The following HGF variants were observed in gnomAD, a reference collection of about 807,000 sequenced individuals.
The protein encoded by HGF is hepatocyte growth factor, also known as fibroblast-derived tumor cytotoxic factor.
HGF carries 39 observed loss-of-function variants against 111.6 expected under a neutral mutation model. The ratio of observed to expected loss-of-function variants is 0.35; its 90% CI spans 0.27 to 0.46. The LOEUF is 0.46. HGF is among the 20% of genes least tolerant of loss of function. The pLI is 1.00. For missense variants in HGF, 735 were observed against 910.5 expected (o/e 0.81, Z 2.48); for synonymous variants, 285 against 294.8 (o/e 0.97, Z 0.34).
At chr7:81,742,750 G>A in intron 7 of HGF, 1 of 1,486,270 alleles carries the variant, frequency 6.7e-7, no homozygotes, top group Non-Finnish European at 9.0e-7. Flanking sequence ...CCAGCATGTA[G>A]AAAAATGATT....
intron 2 of HGF, 74 bp from the exon 3 acceptor site, chr7:81,758,878 A>T (rs1788922844): frequency 1.1e-6 from 1 of 930,034 alleles, no homozygotes; most frequent in African/African-American, 1.6e-5. Flanking sequence ...CATATGGTTC[A>T]TCTTGTCCAT....
At chr7:81,737,089 G>A (rs1562888289) in intron 7 of HGF, among the ~76,000 whole-genome samples, 1 of 151,980 alleles carries the variant, frequency 6.6e-6, no homozygotes, top group Admixed American at 6.6e-5. Flanking sequence ...TTATGTGAAA[G>A]GTATGTAGAA....
intron 4 of HGF, among the ~76,000 whole-genome samples, chr7:81,752,945 G>A (rs1035017443): frequency 1.3e-5 from 2 of 151,960 alleles, no homozygotes; most frequent in Non-Finnish European, 2.9e-5. Context: ...TAGAGTAATT[G>A]ACACTTAACA....
At chr7:81,756,880 AGTGCC>A in intron 4 of HGF, 1 of 412,548 alleles carries the variant, frequency 2.4e-6, no homozygotes, top group Admixed American at 3.9e-5. Context: ...CCCCCTGCAC[AGTGCC>A]GTACTTTCTC....
chr7:81,723,086 C>T (rs923051509), intron 9 of HGF, among the ~76,000 whole-genome samples: 2 of 151,906 alleles, frequency 1.3e-5, no homozygotes, highest in African/African-American at 2.4e-5. Context: ...AGTACCCGGG[C>T]GATGAAATTG....
At chr7:81,722,227 A>T (rs1789883528) in intron 9 of HGF, among the ~76,000 whole-genome samples, 1 of 151,966 alleles carries the variant, frequency 6.6e-6, no homozygotes, top group Non-Finnish European at 1.5e-5. Flanking sequence ...ACTATGCTCC[A>T]TGAGGTTTTC....
In HGF at chr7:81,765,797, G is replaced by T. The variant is rs998405770; in HGVS notation, c.89-2925C>A. On this transcript the variant is annotated intron_variant, in intron 1 of 17. Coordinates refer to ENST00000222390, the MANE Select transcript of HGF (RefSeq NM_000601.6). ...TTCTCCTCCATATGTATTAACAACT[G>T]ATGCTTGTTTTACTGAAAACAGTTA... Among the ~76,000 whole-genome samples the T allele has an allele frequency of 7.2e-5, 11 of 152,296 alleles. No individual in the cohort carries two copies. In the South Asian group the frequency reaches 2.3e-3, roughly 32 times the overall value.
At chr7:81,743,540 A>G (rs1788096295) in intron 6 of HGF, 69 bp from the exon 7 acceptor site, 2 of 1,003,374 alleles carry the variant, frequency 2.0e-6, no homozygotes, top group South Asian at 1.3e-5. Context: ...TCAGCTCACA[A>G]AATAACTTTC....
intron 3 of HGF, 61 bp downstream of exon 3, chr7:81,758,631 A>G: frequency 9.5e-7 from 1 of 1,051,690 alleles, no homozygotes; most frequent in Non-Finnish European, 1.5e-6. Context: ...GCAGGAAATT[A>G]CAAACATACA....
At chr7:81,746,927 C>T (rs982055969) in intron 5 of HGF, among the ~76,000 whole-genome samples, 2 of 152,168 alleles carry the variant, frequency 1.3e-5, no homozygotes, top group African/African-American at 2.4e-5. Flanking sequence ...TGTTAAGAGG[C>T]AAGTTCTGAG....
chr7:81,711,367 ACTT>A, intron 12 of HGF, 111 bp downstream of exon 12: 1 of 530,666 alleles, frequency 1.9e-6, no homozygotes, highest in South Asian at 3.7e-5. Context: ...AAATAGATTA[ACTT>A]CTTTTTATAA....
chr7:81,703,285 A>C (rs1463298790), intron 17 of HGF, among the ~76,000 whole-genome samples: 2 of 151,028 alleles, frequency 1.3e-5, no homozygotes, highest in Non-Finnish European at 3.0e-5. Flanking sequence ...GATCTTAACA[A>C]GTTAAATAAA....
chr7:81,756,679 A>G (rs1054401329), intron 4 of HGF: 3 of 159,208 alleles, frequency 1.9e-5, no homozygotes, highest in African/African-American at 7.2e-5. Flanking sequence ...AGCTCAAAAA[A>G]TACTGGTGCC....
chr7:81,737,352 G>A (rs1298011036), intron 7 of HGF, among the ~76,000 whole-genome samples: 1 of 152,020 alleles, frequency 6.6e-6, no homozygotes, highest in African/African-American at 2.4e-5. Flanking sequence ...GGAAATTGGA[G>A]TAGCTCATAG....
chr7:81,710,053 A>G, intron 13 of HGF, 94 bp downstream of exon 13: 1 of 875,154 alleles, frequency 1.1e-6, no homozygotes, highest in Non-Finnish European at 1.9e-6. Flanking sequence ...TGTGGAGGGT[A>G]CAACCTTCAG....
At chr7:81,736,626 A>G (rs754861992) in intron 7 of HGF, 2 of 428,206 alleles carry the variant, frequency 4.7e-6, no homozygotes, top group Non-Finnish European at 9.3e-6. Context: ...GTAGCTGCCA[A>G]CTAGGTAAGG....
intron 13 of HGF, among the ~76,000 whole-genome samples, chr7:81,709,266 C>G (rs1242688806): frequency 6.6e-6 from 1 of 152,074 alleles, no homozygotes; most frequent in African/African-American, 2.4e-5. Context: ...GTGGGAACAA[C>G]AGCATAAAGG....
intron 9 of HGF, among the ~76,000 whole-genome samples, chr7:81,724,607 A>G (rs978241472): frequency 6.6e-6 from 1 of 152,204 alleles, no homozygotes; most frequent in Admixed American, 6.5e-5. Context: ...TCATGGGTAC[A>G]TAGGTAGGTT....
At chr7:81,708,472 A>C (rs1789485657) in intron 13 of HGF, among the ~76,000 whole-genome samples, 1 of 149,628 alleles carries the variant, frequency 6.7e-6, no homozygotes, top group Non-Finnish European at 1.5e-5. Context: ...TAAGCAAAGA[A>C]TCACCAATTA....
Sources: allele counts gnomAD v4.1 joint callset (sites outside exome capture counted in the v4.1 genomes callset), GRCh38; gene constraint gnomAD v4.1.1; transcripts MANE v1.5; gene names NCBI Gene and HGNC (gene_info 2026-07-23, HGNC 2026-07-21).